The following NDST3 variants were observed in gnomAD, a reference collection of about 807,000 sequenced individuals.
The protein encoded by NDST3 is bifunctional heparan sulfate N-deacetylase/N-sulfotransferase 3.
A neutral mutation model predicts 96.1 loss-of-function variants in NDST3; 58 were observed. The ratio of observed to expected loss-of-function variants is 0.60; its 90% CI spans 0.49 to 0.75. The LOEUF (loss-of-function observed/expected upper bound fraction) is 0.75, where lower values mean the gene tolerates loss of function less well. Among genes scored for constraint, NDST3 ranks in the 30% least tolerant of loss-of-function variants. NDST3 has a pLI of 0.00. For missense variants in NDST3, 788 were observed against 1,034.2 expected, an observed-to-expected ratio of 0.76 and a Z score of 3.27; for synonymous variants, 333 against 359.7, an observed-to-expected ratio of 0.93 and a Z score of 0.84.
intron 6 of NDST3, among the ~76,000 whole-genome samples, chr4:118,197,712 T>C (rs911108569): frequency 6.6e-6 from 1 of 152,140 alleles, no homozygotes; most frequent in East Asian, 1.9e-4. Flanking sequence ...GTGAAGTCTG[T>C]TTCTTGTGGG....
intron 4 of NDST3, among the ~76,000 whole-genome samples, chr4:118,135,953 T>C (rs1218099568): frequency 1.3e-5 from 2 of 152,196 alleles, no homozygotes; most frequent in African/African-American, 4.8e-5. Context: ...AAACTGTATA[T>C]ACATTGGTTG....
intron 2 of NDST3, among the ~76,000 whole-genome samples, chr4:118,071,669 G>A (rs1319969636): frequency 6.6e-6 from 1 of 152,056 alleles, no homozygotes; most frequent in Non-Finnish European, 1.5e-5. Context: ...TACTACTTAT[G>A]GGAATCTAGG....
upstream of NDST3, chr4:118,034,219 C>T (rs1468122810): frequency 3.9e-5 from 6 of 152,180 alleles, no homozygotes; most frequent in African/African-American, 1.2e-4. Flanking sequence ...GTTAACTCTT[C>T]CGCTAGTCAG....
At chr4:118,107,622 A>T (rs763268411) in intron 3 of NDST3, among the ~76,000 whole-genome samples, 8 of 152,164 alleles carry the variant, frequency 5.3e-5, no homozygotes, top group Non-Finnish European at 1.0e-4. Context: ...TCCCATTTGT[A>T]TAAAAATAAA....
At chr4:118,121,481 GAGA>G (rs1410463885) in intron 4 of NDST3, among the ~76,000 whole-genome samples, 2 of 152,160 alleles carry the variant, frequency 1.3e-5, no homozygotes, top group African/African-American at 4.8e-5. Context: ...CAGAACATTA[GAGA>G]AGGAGTGTTT....
chr4:118,194,034 T>G (rs1481561865), intron 6 of NDST3: 6 of 1,383,532 alleles, frequency 4.3e-6, no homozygotes, highest in Admixed American at 1.7e-5. Flanking sequence ...TCAAAACTCT[T>G]GAGGTGTAAT....
rs1725244365 is a variant in NDST3, at chr4:118,053,948, G to A, written c.38G>A (p.Arg13Lys). The A allele has an allele frequency of 6.2e-7, 1 of 1,610,696 alleles. No individual in the cohort carries two copies. Among genetic ancestry groups the A allele is most frequent in the African/African-American group, 1.3e-5 (1 of 74,712 alleles). The change falls in exon 2 of 14, where the codon AGA (arginine) becomes AAA (lysine). Residue 13 changes from arginine (R) to lysine (K), a missense_variant. Transcript: ENST00000296499. Reference protein sequence around the residue: ...FIMKLHRHFQRTVILLATFCM... With the variant: ...FIMKLHRHFQKTVILLATFCM... Reference sequence around the variant, plus strand: ...ATGAAGCTTCACAGACACTTTCAAAGAACAGTCATTCTGCTTGCCACTTTT... The same window carrying A: ...ATGAAGCTTCACAGACACTTTCAAAAAACAGTCATTCTGCTTGCCACTTTT...
intron 2 of NDST3, chr4:118,055,214 T>G: frequency 3.1e-6 from 1 of 318,178 alleles, no homozygotes; most frequent in Non-Finnish European, 5.9e-6. Flanking sequence ...CTATTACTAA[T>G]CTCAGACTTA....
intron 2 of NDST3, among the ~76,000 whole-genome samples, chr4:118,093,111 T>C (rs1009529111): frequency 6.6e-6 from 1 of 151,864 alleles, no homozygotes; most frequent in African/African-American, 2.4e-5. Context: ...TGGAACTGAG[T>C]GAGAATGAAT....
chr4:118,113,619 A>G (rs187717628), intron 3 of NDST3, among the ~76,000 whole-genome samples: 25 of 152,340 alleles, frequency 1.6e-4, no homozygotes, highest in Admixed American at 1.5e-3. Context: ...AAACTGAATG[A>G]ACAATGTTAA....
chr4:118,227,068 T>C, intron 8 of NDST3, 86 bp downstream of exon 8: 1 of 860,068 alleles, frequency 1.2e-6, no homozygotes, highest in Non-Finnish European at 1.9e-6. Context: ...TTCGTAAACT[T>C]CCCATAACTG....
chr4:118,120,051 A>G (rs541282537), intron 4 of NDST3, among the ~76,000 whole-genome samples: 1 of 152,290 alleles, frequency 6.6e-6, no homozygotes, highest in Non-Finnish European at 1.5e-5. Context: ...AGTTCTTCCA[A>G]TCTAGATAAG....
At chr4:118,106,952 T>A (rs1730240440) in intron 3 of NDST3, among the ~76,000 whole-genome samples, 1 of 152,156 alleles carries the variant, frequency 6.6e-6, no homozygotes, top group African/African-American at 2.4e-5. Context: ...TAGCCAGGCA[T>A]CGTGGCAGGC....
Position 118,255,805 on chromosome 4 carries a change from C to A in NDST3, c.*93C>A. Reference sequence around the variant, plus strand: ...ACCAAAAGGCAGTTGAAAAATATACCTCTTCAAATGAGAAAAAAGAACAGT... The same window carrying A: ...ACCAAAAGGCAGTTGAAAAATATACATCTTCAAATGAGAAAAAAGAACAGT... On this transcript the variant is annotated 3_prime_UTR_variant, in exon 14 of 14. Transcript: ENST00000296499. The A allele has an allele frequency of 7.5e-7, 1 of 1,327,194 alleles. No homozygotes were observed. Among genetic ancestry groups the A allele is most frequent in the Non-Finnish European group, 1.0e-6 (1 of 989,612 alleles). The allele number at this position is 1,327,194 out of a possible 1,614,324, so 82.2% of individuals were successfully genotyped here.
chr4:118,111,939 G>A (rs1730676692), intron 3 of NDST3, among the ~76,000 whole-genome samples: 1 of 151,742 alleles, frequency 6.6e-6, no homozygotes, highest in African/African-American at 2.4e-5. Flanking sequence ...GCCTCCCAAA[G>A]TGCTGGGATT....
chr4:118,111,483 C>T (rs771763796), intron 3 of NDST3, among the ~76,000 whole-genome samples: 1 of 151,748 alleles, frequency 6.6e-6, no homozygotes, highest in Non-Finnish European at 1.5e-5. Context: ...GACAGTCCAA[C>T]CAAATGTAAT....
At chr4:118,178,309 C>T (rs749840399) in intron 6 of NDST3, among the ~76,000 whole-genome samples, 1 of 152,006 alleles carries the variant, frequency 6.6e-6, no homozygotes, top group Non-Finnish European at 1.5e-5. Flanking sequence ...ATCTGCATCT[C>T]TATATCCATC....
chr4:118,035,436 TTTG>T (rs1724092421), intron 1 of NDST3, among the ~76,000 whole-genome samples: 1 of 76,058 alleles, frequency 1.3e-5, no homozygotes, highest in Non-Finnish European at 3.4e-5. Flanking sequence ...ACACTTTTTT[TTTG>T]TTTTTTTTTT....
At chr4:118,248,265 T>C (rs1188091772) in intron 12 of NDST3, among the ~76,000 whole-genome samples, 1 of 151,940 alleles carries the variant, frequency 6.6e-6, no homozygotes, top group African/African-American at 2.4e-5. Flanking sequence ...GCAGGAGAAT[T>C]GCTTGAATCC....
Sources: allele counts gnomAD v4.1 joint callset (sites outside exome capture counted in the v4.1 genomes callset), GRCh38; gene constraint gnomAD v4.1.1; transcripts MANE v1.5; gene names NCBI Gene and HGNC (gene_info 2026-07-23, HGNC 2026-07-21).